Variants in EYS observed in about 807,000 individuals in gnomAD.
EYS encodes protein eyes shut homolog.
A neutral mutation model predicts 282.1 loss-of-function variants in EYS; 250 were observed. The ratio of observed to expected loss-of-function variants is 0.89; its 90% confidence interval spans 0.80 to 0.98. The LOEUF is 0.98. Ranked by LOEUF, EYS falls within the 50% of genes least tolerant of loss-of-function variation. The pLI, the probability that EYS is intolerant of heterozygous loss-of-function variation, is 0.00. For synonymous variants in EYS, 1,355 were observed against 1,282.9 expected, an observed-to-expected ratio of 1.06 and a Z score of -1.20; for missense variants, 4,016 against 3,709.0, an observed-to-expected ratio of 1.08 and a Z score of -2.15.
At chr6:63,912,016 TTTTA>T (rs1319092773) in intron 35 of EYS, among the ~76,000 whole-genome samples, 1 of 152,138 alleles carries the variant, frequency 6.6e-6, no homozygotes, top group African/African-American at 2.4e-5. Context: ...AAAGCCCAAG[TTTTA>T]TTTATTTTTA....
chr6:64,641,983 G>T (rs1034277930), intron 22 of EYS, among the ~76,000 whole-genome samples: 5 of 152,156 alleles, frequency 3.3e-5, no homozygotes, highest in Non-Finnish European at 7.4e-5. Flanking sequence ...TGCCAAAAAG[G>T]TTGGGGACTG....
chr6:65,331,482 T>A (rs1392114699), intron 11 of EYS: 25 of 895,228 alleles, frequency 2.8e-5, no homozygotes, highest in Non-Finnish European at 3.2e-5. Context: ...TAATTTTATA[T>A]AAAATACTTG....
At chr6:64,735,273 C>T (rs566665921) in intron 22 of EYS, among the ~76,000 whole-genome samples, 6 of 152,020 alleles carry the variant, frequency 3.9e-5, no homozygotes, top group Non-Finnish European at 5.9e-5. Flanking sequence ...TTAGTAGAGA[C>T]GGGGTTTCAC....
chr6:64,851,401 T>C (rs533462683), intron 19 of EYS, among the ~76,000 whole-genome samples: 1 of 152,188 alleles, frequency 6.6e-6, no homozygotes, highest in Non-Finnish European at 1.5e-5. Flanking sequence ...GAGTCAAAGA[T>C]TCACATATGG....
At chr6:64,085,624 ACCTCATTTGTTTAC>A (rs1400921317) in intron 31 of EYS, among the ~76,000 whole-genome samples, 1 of 152,058 alleles carries the variant, frequency 6.6e-6, no homozygotes, top group East Asian at 1.9e-4. Context: ...TAGGTATGGC[ACCTCATTTGTTTAC>A]AGTGTTATAT....
intron 30 of EYS, among the ~76,000 whole-genome samples, chr6:64,272,951 A>T (rs1767990934): frequency 6.6e-6 from 1 of 152,170 alleles, no homozygotes; most frequent in Non-Finnish European, 1.5e-5. Flanking sequence ...GATTTTCACC[A>T]GACTAAAATA....
chr6:65,404,449 T>C (rs926189902), intron 6 of EYS, among the ~76,000 whole-genome samples: 20 of 152,034 alleles, frequency 1.3e-4, no homozygotes, highest in Non-Finnish European at 1.2e-4. Flanking sequence ...GCATACATAG[T>C]CTGCTTACTA....
chr6:63,984,566 G>T lies in EYS; in HGVS notation c.6872C>A (p.Ala2291Glu). The change falls in exon 35 of 43, where the codon GCA becomes GAA. Residue 2291 changes from alanine (A) to glutamate (E), a missense_variant. Physicochemically the swap from Ala to Glu is moderately radical, Grantham distance 107 (BLOSUM62 -1). Coordinates refer to ENST00000503581, the MANE Select transcript of EYS (RefSeq NM_001142800.2). The part of the protein sequence containing the change: ...FESMFLGHIP[A>E]NVQIHKKAGP... The stretch of plus-strand genomic sequence containing the variant: ...TGCTTTCTTATGAATTTGAACATTT[G>T]CAGGAATATGGCCAAGGAACATTGA... The T allele has an allele frequency of 1.3e-6, 2 of 1,549,426 alleles. No individual in the cohort carries two copies.
intron 22 of EYS, among the ~76,000 whole-genome samples, chr6:64,784,713 ATTCAAGCCATCAACCAC>A (rs1773965067): frequency 6.6e-6 from 1 of 152,078 alleles, no homozygotes. Context: ...GACTGTGTAA[ATTCAAGCCATCAACCAC>A]TTTTCACACA....
intron 1 of EYS, among the ~76,000 whole-genome samples, chr6:65,673,550 G>C (rs1352579059): frequency 6.6e-6 from 1 of 152,038 alleles, no homozygotes; most frequent in East Asian, 1.9e-4. Flanking sequence ...AAGTTTTTGG[G>C]CTCTATCCTT....
At chr6:65,045,205 GTCC>G (rs1333765650) in intron 13 of EYS, among the ~76,000 whole-genome samples, 2 of 151,782 alleles carry the variant, frequency 1.3e-5, no homozygotes, top group Admixed American at 1.3e-4. Flanking sequence ...GCTCTCCTAA[GTCC>G]ACAATATCTT....
In EYS at chr6:65,330,939, A is replaced by T. The variant is rs1769775375; in HGVS notation, c.1766+4041T>A. 3 of 984,336 alleles carry T rather than the reference A, an allele frequency of 3.0e-6. 1 individual carries two copies. Among genetic ancestry groups the T allele is most frequent in the African/African-American group, 3.5e-5 (2 of 57,268 alleles). 61.0% of individuals were successfully genotyped at this position (984,336 alleles called of 1,614,324 possible). On this transcript the variant is annotated intron_variant, in intron 11 of 42. Coordinates refer to ENST00000503581, the MANE Select transcript of EYS (RefSeq NM_001142800.2). Reference sequence around the variant, plus strand: ...ATTTACTAAAGAACCCTGTATGTTCAAATGAGATTATAGCCAAATTTCTCA... The same window carrying T: ...ATTTACTAAAGAACCCTGTATGTTCTAATGAGATTATAGCCAAATTTCTCA...
intron 31 of EYS, among the ~76,000 whole-genome samples, chr6:64,197,948 C>T (rs1765341996): frequency 6.6e-6 from 1 of 151,338 alleles, no homozygotes; most frequent in African/African-American, 2.4e-5. Flanking sequence ...AATTATCCTC[C>T]ATTATTTATT....
chr6:64,469,680 G>A (rs1016785341), intron 26 of EYS, among the ~76,000 whole-genome samples: 2 of 152,078 alleles, frequency 1.3e-5, no homozygotes, highest in East Asian at 2.0e-4. Context: ...AAAAACACCC[G>A]CTACTTAGTG....
chr6:64,678,232 T>C (rs1245719447), intron 22 of EYS, among the ~76,000 whole-genome samples: 1 of 152,102 alleles, frequency 6.6e-6, no homozygotes, highest in East Asian at 1.9e-4. Flanking sequence ...ACTTACTATT[T>C]TTGATACTCA....
At chr6:64,427,571 A>C (rs1774448788) in intron 28 of EYS, among the ~76,000 whole-genome samples, 1 of 152,158 alleles carries the variant, frequency 6.6e-6, no homozygotes, top group Non-Finnish European at 1.5e-5. Context: ...AAAAGGCCAT[A>C]TAACAAAAAG....
At chr6:64,907,969 G>A (rs1013080327) in intron 16 of EYS, among the ~76,000 whole-genome samples, 1 of 152,172 alleles carries the variant, frequency 6.6e-6, no homozygotes, top group African/African-American at 2.4e-5. Context: ...GCACATAATT[G>A]TGGGCAACTG....
intron 7 of EYS, among the ~76,000 whole-genome samples, chr6:65,385,643 AG>A (rs1383568666): frequency 6.6e-6 from 1 of 151,950 alleles, no homozygotes; most frequent in African/African-American, 2.4e-5. Context: ...AAATTACATT[AG>A]TTGCTTTGGC....
At chr6:65,368,547 A>T (rs1276531834) in intron 8 of EYS, among the ~76,000 whole-genome samples, 1 of 151,678 alleles carries the variant, frequency 6.6e-6, no homozygotes, top group Non-Finnish European at 1.5e-5. Flanking sequence ...ATAAAACCAC[A>T]TGAGAATGAC....
Sources: gnomAD v4.1 joint callset for allele counts (sites outside exome capture counted in the v4.1 genomes callset) on GRCh38, gnomAD v4.1.1 for gene constraint, MANE v1.5 for transcripts, NCBI Gene and HGNC (gene_info 2026-07-23, HGNC 2026-07-21) for gene names.